Variants in SESTD1 observed in about 807,000 individuals in gnomAD.
SESTD1 encodes SEC14 domain and spectrin repeat-containing protein 1.
Under a neutral mutation model 101.7 loss-of-function variants are expected in SESTD1, and 43 were observed. That is an observed-to-expected ratio of 0.42 (90% CI 0.33 to 0.55). The LOEUF (loss-of-function observed/expected upper bound fraction) is 0.55, where lower values mean the gene tolerates loss of function less well. Among genes scored for constraint, SESTD1 ranks in the 20% least tolerant of loss-of-function variants. The pLI, the probability that SESTD1 is intolerant of heterozygous loss-of-function variation, is 0.07. For missense variants in SESTD1, 647 were observed against 815.1 expected, an observed-to-expected ratio of 0.79 and a Z score of 2.51; for synonymous variants, 283 against 286.8, an observed-to-expected ratio of 0.99 and a Z score of 0.13.
intron 15 of SESTD1, 139 bp downstream of exon 15, chr2:179,116,529 G>T: frequency 7.3e-7 from 1 of 1,372,660 alleles, no homozygotes; most frequent in Non-Finnish European, 1.0e-6. Flanking sequence ...TGCACCAGCT[G>T]ACATTTTCTT....
At chr2:179,154,036 G>A (rs1184027690) in intron 5 of SESTD1, among the ~76,000 whole-genome samples, 1 of 145,024 alleles carries the variant, frequency 6.9e-6, no homozygotes, top group Non-Finnish European at 1.5e-5. Context: ...TTGAAACCAG[G>A]AGTTTAAGAC....
intron 1 of SESTD1, among the ~76,000 whole-genome samples, chr2:179,249,212 T>TA (rs58597141): frequency 0.095 from 11,940 of 125,934 alleles, 728 homozygotes; most frequent in African/African-American, 0.14. Context: ...GCATACAGAT[T>TA]AAAAAAAAAA....
At chr2:179,234,877 G>A (rs954596006) in intron 1 of SESTD1, among the ~76,000 whole-genome samples, 1 of 151,850 alleles carries the variant, frequency 6.6e-6, no homozygotes, top group African/African-American at 2.4e-5. Flanking sequence ...GGAAGGCTGA[G>A]GTGGGAGGAT....
At chr2:179,184,959 T>G (rs1442010807) in intron 2 of SESTD1, among the ~76,000 whole-genome samples, 1 of 152,030 alleles carries the variant, frequency 6.6e-6, no homozygotes, top group African/African-American at 2.4e-5. Flanking sequence ...ACTTTCAAGA[T>G]AGTTATGGTC....
In SESTD1 at chr2:179,109,582, C is replaced by A; in HGVS notation, c.*317G>T. 2 of 399,620 alleles carry A rather than the reference C, an allele frequency of 5.0e-6. No individual in the cohort carries two copies. The highest frequency in any genetic ancestry group is 7.1e-5 in the East Asian group (2 of 28,166). The allele number at this position is 399,620 out of a possible 1,614,324, so 24.8% of individuals were successfully genotyped here. On this transcript the variant is annotated 3_prime_UTR_variant, in exon 18 of 18. Transcript: ENST00000428443. The stretch of plus-strand genomic sequence containing the variant: ...CTTTTTAATAGAGAGAATTCCTACT[C>A]TTATTAGCACCATTCAAAGCTTATT...
In SESTD1 at chr2:179,231,904, T is replaced by TAAC. The variant is rs1432974092; in HGVS notation, c.-26+32592_-26+32594dup. On this transcript the variant is annotated intron_variant, in intron 1 of 17. Transcript: ENST00000428443. Reference sequence around the variant, plus strand: ...AGAAGCTGCAATTCACATGAAGACATAACCATCGTGTATGCCTATCATCAC... The same window carrying TAAC: ...AGAAGCTGCAATTCACATGAAGACATAACAACCATCGTGTATGCCTATCATCAC... Among the ~76,000 whole-genome samples the TAAC allele has an allele frequency of 3.9e-5, 6 of 151,922 alleles. No homozygotes were observed. The East Asian group carries it at 1.2e-3, about 29-fold the overall frequency.
chr2:179,131,056 A>C (rs2045001926), intron 10 of SESTD1, among the ~76,000 whole-genome samples: 1 of 152,130 alleles, frequency 6.6e-6, no homozygotes, highest in African/African-American at 2.4e-5. Flanking sequence ...CTAATTAGAA[A>C]AATTGCAAGG....
chr2:179,149,452 A>C, intron 6 of SESTD1, 58 bp from the exon 7 acceptor site: 5 of 1,186,650 alleles, frequency 4.2e-6, no homozygotes, highest in Non-Finnish European at 4.7e-6. Flanking sequence ...ATATGTAATA[A>C]GGATTGTCAG....
intron 1 of SESTD1, among the ~76,000 whole-genome samples, chr2:179,249,537 T>C (rs1445991070): frequency 2.0e-5 from 3 of 152,132 alleles, no homozygotes; most frequent in African/African-American, 4.8e-5. Flanking sequence ...TTGAGAGACA[T>C]AACATGTTCA....
intron 1 of SESTD1, among the ~76,000 whole-genome samples, chr2:179,227,642 A>G (rs982132960): frequency 9.8e-5 from 15 of 152,336 alleles, no homozygotes; most frequent in African/African-American, 3.1e-4. Flanking sequence ...AAAATGATTT[A>G]AGGTTAAAAG....
rs372137638 is a variant in SESTD1 at position 179,117,622 on chromosome 2, C to A, written c.1443-9G>T. On this transcript the variant is annotated splice_polypyrimidine_tract_variant and intron_variant, in intron 13 of 17. Transcript: ENST00000428443. Reference sequence around the variant, plus strand: ...CTACCATGTCTTCACATCTAATGAACCCAAACATAAATTTAACTCATCATT... The same window carrying A: ...CTACCATGTCTTCACATCTAATGAAACCAAACATAAATTTAACTCATCATT... The A allele has an allele frequency of 4.4e-5, 69 of 1,552,516 alleles. No homozygotes were observed. Among genetic ancestry groups the A allele is most frequent in the Non-Finnish European group, 5.9e-5 (68 of 1,158,504 alleles).
intron 3 of SESTD1, among the ~76,000 whole-genome samples, chr2:179,179,924 T>G (rs1174633939): frequency 3.3e-5 from 5 of 152,208 alleles, no homozygotes; most frequent in Non-Finnish European, 2.9e-5. Context: ...CCTTTGCACT[T>G]CCTGCTCACT....
At chr2:179,235,859 T>TG (rs1448773991) in intron 1 of SESTD1, among the ~76,000 whole-genome samples, 3 of 152,202 alleles carry the variant, frequency 2.0e-5, no homozygotes, top group Non-Finnish European at 4.4e-5. Flanking sequence ...TCTCTGAACT[T>TG]GCAATACTGT....
At chr2:179,263,705 C>G (rs1297477930) in intron 1 of SESTD1, among the ~76,000 whole-genome samples, 5 of 152,208 alleles carry the variant, frequency 3.3e-5, no homozygotes, top group Non-Finnish European at 5.9e-5. Context: ...ACAGCCAAGT[C>G]CAAACCGTGC....
chr2:179,189,778 A>T (rs1008115213), intron 2 of SESTD1, among the ~76,000 whole-genome samples: 1 of 113,948 alleles, frequency 8.8e-6, no homozygotes, highest in Non-Finnish European at 1.8e-5. Flanking sequence ...AACACCGATG[A>T]CACTCAAACT....
At chr2:179,217,656 T>C (rs569897428) in intron 1 of SESTD1, among the ~76,000 whole-genome samples, 63 of 152,314 alleles carry the variant, frequency 4.1e-4, no homozygotes, top group Non-Finnish European at 7.3e-4. Context: ...TTATAAATCA[T>C]GGTACTATAA....
chr2:179,245,576 T>C (rs2047218189), intron 1 of SESTD1, among the ~76,000 whole-genome samples: 1 of 144,446 alleles, frequency 6.9e-6, no homozygotes, highest in Non-Finnish European at 1.5e-5. Flanking sequence ...CCTATGGTCC[T>C]AGCTACTTAG....
intron 16 of SESTD1, among the ~76,000 whole-genome samples, chr2:179,114,132 G>A (rs1381250368): frequency 2.0e-5 from 3 of 150,718 alleles, no homozygotes; most frequent in African/African-American, 4.8e-5. Context: ...GAAACAATCA[G>A]TAGATAAACA....
rs538515777 is a variant in SESTD1 at position 179,234,863 on chromosome 2, C to G, written c.-26+29636G>C. ...GTGGCTTTTGTCTGTAATCCCAGTACTTTGGAAGGCTGAGGTGGGAGGATT... is the reference window on the plus strand; with the variant it reads ...GTGGCTTTTGTCTGTAATCCCAGTAGTTTGGAAGGCTGAGGTGGGAGGATT... On this transcript the variant is annotated intron_variant, in intron 1 of 17. Coordinates refer to ENST00000428443, the MANE Select transcript of SESTD1 (RefSeq NM_178123.5). Among the ~76,000 whole-genome samples, 3 of 151,094 alleles carry G rather than the reference C, an allele frequency of 2.0e-5. No homozygotes were observed. The South Asian group carries it at 6.3e-4, about 32-fold the overall frequency.
Sources: allele counts gnomAD v4.1 joint callset (sites outside exome capture counted in the v4.1 genomes callset), GRCh38; gene constraint gnomAD v4.1.1; transcripts MANE v1.5; gene names NCBI Gene and HGNC (gene_info 2026-07-23, HGNC 2026-07-21).